Variants in NAV2 observed in about 807,000 individuals in gnomAD.
The protein encoded by NAV2 is neuron navigator 2, also known as helicase, APC down-regulated 1.
NAV2 carries 54 observed loss-of-function variants against 223.2 expected under a neutral mutation model. The ratio of observed to expected loss-of-function variants is 0.24; its 90% CI spans 0.19 to 0.30. NAV2 has a LOEUF of 0.30. Among genes scored for constraint, NAV2 ranks in the 10% least tolerant of loss-of-function variants. The pLI, the probability that NAV2 is intolerant of heterozygous loss-of-function variation, is 1.00. For missense variants in NAV2, 2,806 were observed against 3,147.5 expected (o/e 0.89, Z 2.60); for synonymous variants, 1,279 against 1,239.3 (o/e 1.03, Z -0.67).
intron 1 of NAV2, among the ~76,000 whole-genome samples, chr11:19,623,513 T>C (rs922498193): frequency 6.6e-6 from 1 of 152,208 alleles, no homozygotes; most frequent in African/African-American, 2.4e-5. Flanking sequence ...ATTTCATTCA[T>C]TTGATCTTTA....
chr11:19,413,085 T>C (rs1850214822), intron 1 of NAV2, among the ~76,000 whole-genome samples: 1 of 151,996 alleles, frequency 6.6e-6, no homozygotes, highest in Non-Finnish European at 1.5e-5. Context: ...GTTTGAAAAA[T>C]TGACAGAAGT....
intron 1 of NAV2, among the ~76,000 whole-genome samples, chr11:19,670,479 C>T (rs141143591): frequency 4.7e-4 from 71 of 152,312 alleles, no homozygotes; most frequent in African/African-American, 1.4e-3. Flanking sequence ...CAGGGAACCC[C>T]GCGGAGAGGG....
chr11:19,358,307 G>A (rs1019647607), intron 1 of NAV2, among the ~76,000 whole-genome samples: 5 of 152,138 alleles, frequency 3.3e-5, no homozygotes, highest in African/African-American at 4.8e-5. Flanking sequence ...GTTCATTTGC[G>A]GGGAGGAAGC....
intron 3 of NAV2, among the ~76,000 whole-genome samples, chr11:19,853,749 T>C (rs1487210450): frequency 1.2e-5 from 1 of 86,074 alleles, no homozygotes; most frequent in Non-Finnish European, 2.3e-5. Context: ...ACTTAACCTC[T>C]GTAACTTTTT....
chr11:19,451,556 G>C (rs1276264278), intron 1 of NAV2, among the ~76,000 whole-genome samples: 1 of 152,208 alleles, frequency 6.6e-6, no homozygotes, highest in African/African-American at 2.4e-5. Context: ...TGGAGACAGA[G>C]ATTTTAAAAA....
At chr11:20,061,309 A>T (rs1214275819) in intron 19 of NAV2, among the ~76,000 whole-genome samples, 1 of 140,538 alleles carries the variant, frequency 7.1e-6, no homozygotes, top group Admixed American at 7.1e-5. Flanking sequence ...GTGGCTCATG[A>T]CTGTAATCCC....
intron 1 of NAV2, among the ~76,000 whole-genome samples, chr11:19,362,753 A>G (rs1415254772): frequency 6.6e-6 from 1 of 152,176 alleles, no homozygotes; most frequent in Non-Finnish European, 1.5e-5. Flanking sequence ...TTCTTCATCT[A>G]TAACATAGGG....
intron 1 of NAV2, among the ~76,000 whole-genome samples, chr11:19,732,503 G>A (rs2152422098): frequency 6.6e-6 from 1 of 152,344 alleles, no homozygotes; most frequent in South Asian, 2.1e-4. Context: ...GGTCTTAGTT[G>A]AGTAGCATAA....
intron 1 of NAV2, among the ~76,000 whole-genome samples, chr11:19,691,599 G>A (rs946217821): frequency 2.0e-5 from 3 of 151,782 alleles, no homozygotes; most frequent in East Asian, 1.9e-4. Flanking sequence ...ACGGAGTCTC[G>A]CTCTGTGGCC....
rs554944762 is a variant in NAV2, at chr11:19,401,472, G to T, written c.75+50445G>T. Reference sequence around the variant, plus strand: ...AATGTTTCACTGTTGGATTTACTGGGCACATTTATGAAATCACAACTGTGC... The same window carrying T: ...AATGTTTCACTGTTGGATTTACTGGTCACATTTATGAAATCACAACTGTGC... On this transcript the variant is annotated intron_variant, in intron 1 of 37. Transcript: ENST00000360655. 2.9e-3 allele frequency among the ~76,000 whole-genome samples: 445 copies of T among 152,282 alleles called. 2 individuals are homozygous for T. The highest frequency in any genetic ancestry group is 0.01 in the African/African-American group (416 of 41,546).
At chr11:19,430,233 A>C (rs1222280478) in intron 1 of NAV2, among the ~76,000 whole-genome samples, 1 of 152,050 alleles carries the variant, frequency 6.6e-6, no homozygotes, top group Non-Finnish European at 1.5e-5. Flanking sequence ...TGCTCTTTGC[A>C]CTTTTCGCTT....
At chr11:19,767,516 A>G (rs1761955664) in intron 1 of NAV2, among the ~76,000 whole-genome samples, 1 of 152,236 alleles carries the variant, frequency 6.6e-6, no homozygotes, top group African/African-American at 2.4e-5. Context: ...GTCCTTGCAA[A>G]GTTAAAAATG....
At chr11:19,385,667 AG>A (rs1428745030) in intron 1 of NAV2, among the ~76,000 whole-genome samples, 1 of 152,130 alleles carries the variant, frequency 6.6e-6, no homozygotes, top group Non-Finnish European at 1.5e-5. Context: ...TTCTTTGAAA[AG>A]AAATGCATAT....
Position 19,713,950 on chromosome 11 carries a change from G to T in NAV2, c.255G>T (p.Gly85=), listed in dbSNP as rs1299282768. 6.2e-7 allele frequency: 1 copy of T among 1,613,232 alleles called. No homozygotes were observed. The highest frequency in any genetic ancestry group is 8.5e-7 in the Non-Finnish European group (1 of 1,179,912). The change falls in exon 1 of 38, where the codon GGG becomes GGT. Residue 85 remains glycine, a synonymous_variant. Coordinates refer to ENST00000349880, the MANE Select transcript of NAV2 (RefSeq NM_145117.5). The surrounding 1 kb of genome is among the most constrained non-coding windows in gnomAD (Gnocchi z 7.2). ...PLRKSGSVEN[G]FDTQIYTDWA... ...GGAAGAGCGGCTCGGTGGAAAACGG[G>T]TTCGATACCCAGGTGAGAGATGCCG...
intron 1 of NAV2, among the ~76,000 whole-genome samples, chr11:19,577,259 G>A (rs1357165306): frequency 6.6e-6 from 1 of 152,260 alleles, no homozygotes; most frequent in Admixed American, 6.5e-5. Context: ...AAAGCCAAAT[G>A]TGTGGTCAGC....
intron 1 of NAV2, among the ~76,000 whole-genome samples, chr11:19,688,054 A>G (rs948209955): frequency 1.3e-5 from 2 of 152,162 alleles, no homozygotes; most frequent in South Asian, 2.1e-4. Context: ...TTCTTCAGAG[A>G]TCATAGAATG....
intron 1 of NAV2, among the ~76,000 whole-genome samples, chr11:19,383,472 A>G (rs530901198): frequency 6.6e-6 from 1 of 152,342 alleles, no homozygotes; most frequent in Non-Finnish European, 1.5e-5. Context: ...TATAGCAGTC[A>G]GTTTCTCCCA....
At chr11:20,031,093 G>A (rs761621793) in intron 11 of NAV2, among the ~76,000 whole-genome samples, 1 of 152,126 alleles carries the variant, frequency 6.6e-6, no homozygotes, top group African/African-American at 2.4e-5. Flanking sequence ...ACTGTTTCAG[G>A]ACCAGGACAC....
At chr11:19,446,053 G>A (rs1170200659) in intron 1 of NAV2, among the ~76,000 whole-genome samples, 1 of 152,130 alleles carries the variant, frequency 6.6e-6, no homozygotes, top group Non-Finnish European at 1.5e-5. Context: ...GCTTTACCAT[G>A]CTGTGCATCT....
Sources: gnomAD v4.1 joint callset for allele counts (sites outside exome capture counted in the v4.1 genomes callset) on GRCh38, gnomAD v4.1.1 for gene constraint, Gnocchi (gnomAD v3.1) non-coding constraint, MANE v1.5 for transcripts, NCBI Gene and HGNC (gene_info 2026-07-23, HGNC 2026-07-21) for gene names.